Variants in PLEKHG4B observed in about 807,000 individuals in gnomAD.
PLEKHG4B encodes pleckstrin homology domain-containing family G member 4B.
Under a neutral mutation model 121.3 loss-of-function variants are expected in PLEKHG4B, and 111 were observed. The observed-to-expected ratio is 0.92, with a 90% confidence interval of 0.78 to 1.07. The LOEUF is 1.07. Ranked by LOEUF, PLEKHG4B falls within the 50% of genes least tolerant of loss-of-function variation. The pLI is 0.00. For synonymous variants in PLEKHG4B, 738 were observed against 725.0 expected (o/e 1.02, Z -0.29); for missense variants, 1,831 against 1,757.8 (o/e 1.04, Z -0.74).
chr5:140,139 G>T lies in PLEKHG4B; in HGVS notation c.900G>T (p.Met300Ile). The T allele has an allele frequency of 1.6e-6, 1 of 640,638 alleles. No individual in the cohort carries two copies. 39.7% of individuals were successfully genotyped at this position (640,638 alleles called of 1,614,324 possible). A position where few individuals can be genotyped will look rare whatever the true frequency, so the allele number is the denominator to read the frequency against. ...GCCCCTCAGAGCAGGGCCCACGGAT[G>T]CCCCCTGAGAACTGTGGGGGGTCGG... ...KVSPSEQGPRMPPENCGGSGE... is the reference protein window; with the variant it reads ...KVSPSEQGPRIPPENCGGSGE... The change falls in exon 3 of 20, where the codon ATG becomes ATT. Residue 300 changes from methionine (M) to isoleucine (I), a missense_variant. Met to Ile is a conservative substitution (Grantham distance 10). Transcript: ENST00000637938.
chr5:117,658 G>T (rs1194928628), intron 2 of PLEKHG4B, among the ~76,000 whole-genome samples: 1 of 152,180 alleles, frequency 6.6e-6, no homozygotes, highest in African/African-American at 2.4e-5. Context: ...TTCGAGACCA[G>T]CCTGGCCAAC....
Position 143,308 on chromosome 5 carries a change from G to A in PLEKHG4B, c.1687+52G>A, listed in dbSNP as rs752573123. On this transcript the variant is annotated intron_variant, in intron 4 of 19. Coordinates refer to ENST00000637938, the MANE Select transcript of PLEKHG4B (RefSeq NM_052909.5). ...TCAGGGCGGATCTGACATCTAAGCC[G>A]ACAGCACAGACCCAGCTCACCACCT... 167 of 1,607,618 alleles carry A rather than the reference G, an allele frequency of 1.0e-4. 2 individuals are homozygous for A. Among genetic ancestry groups the A allele is most frequent in the Middle Eastern group, 6.6e-4 (4 of 6,050 alleles).
chr5:156,949 C>G lies in PLEKHG4B; in HGVS notation c.2487+38C>G. On this transcript the variant is annotated intron_variant, in intron 11 of 19. Transcript: ENST00000637938. The surrounding 1 kb of genome is among the most constrained non-coding windows in gnomAD (Gnocchi z 4.4). ...GGAGGAAGGCGGCCCGGTCAGCATC[C>G]CCTCCAGGCCAGGCTGGCCAAGGCA... 1 of 1,605,384 alleles carries G rather than the reference C, an allele frequency of 6.2e-7. No homozygotes were observed. Among genetic ancestry groups the G allele is most frequent in the Non-Finnish European group, 8.5e-7 (1 of 1,176,690 alleles).
intron 13 of PLEKHG4B, among the ~76,000 whole-genome samples, chr5:166,503 TTCTGACGGGGCGGAGCTCACACTAATGC>T (rs1736352070): frequency 1.5e-4 from 3 of 19,808 alleles, no homozygotes; most frequent in Admixed American, 4.6e-4. Flanking sequence ...CACAGTAATC[TTCTGACGGGGCGGAGCTCACACTAATGC>T]TCTGACGGGG....
At chr5:148,841 A>T (rs1735512835) in intron 6 of PLEKHG4B, among the ~76,000 whole-genome samples, 1 of 152,258 alleles carries the variant, frequency 6.6e-6, no homozygotes, top group Admixed American at 6.5e-5. Flanking sequence ...AGCAACAGTA[A>T]TCAAAAAAGT....
At chr5:103,333 T>A (rs189569079) in intron 1 of PLEKHG4B, among the ~76,000 whole-genome samples, 1 of 152,298 alleles carries the variant, frequency 6.6e-6, no homozygotes, top group African/African-American at 2.4e-5. Context: ...AGGGCTCATT[T>A]TATTTTTTCT....
intron 2 of PLEKHG4B, among the ~76,000 whole-genome samples, chr5:120,478 C>G (rs1367312010): frequency 6.6e-6 from 1 of 152,154 alleles, no homozygotes; most frequent in East Asian, 1.9e-4. Context: ...AAACCAAACT[C>G]CACCCAATTA....
At chr5:96,801 G>A (rs1733641897) in intron 1 of PLEKHG4B, among the ~76,000 whole-genome samples, 1 of 152,132 alleles carries the variant, frequency 6.6e-6, no homozygotes, top group Non-Finnish European at 1.5e-5. Flanking sequence ...GGGTTGTTTG[G>A]GAAAGTTTAC....
chr5:130,173 G>A (rs1174522300), intron 2 of PLEKHG4B, among the ~76,000 whole-genome samples: 1 of 152,026 alleles, frequency 6.6e-6, no homozygotes, highest in African/African-American at 2.4e-5. Flanking sequence ...ATTGATGGCA[G>A]AAACATCTAG....
At chr5:132,366 C>A (rs1380734381) in intron 2 of PLEKHG4B, among the ~76,000 whole-genome samples, 1 of 152,150 alleles carries the variant, frequency 6.6e-6, no homozygotes, top group African/African-American at 2.4e-5. Context: ...CTGATTATTT[C>A]TTTTGTTGTG....
At chr5:96,247 A>G (rs1733623840) in intron 1 of PLEKHG4B, among the ~76,000 whole-genome samples, 1 of 152,190 alleles carries the variant, frequency 6.6e-6, no homozygotes, top group Admixed American at 6.5e-5. Flanking sequence ...TTTGCAGTGT[A>G]CTTTGCAGTG....
chr5:106,320 C>G (rs1020247486), intron 1 of PLEKHG4B, among the ~76,000 whole-genome samples: 6 of 152,162 alleles, frequency 3.9e-5, no homozygotes, highest in African/African-American at 1.4e-4. Context: ...AGGTTGGAGT[C>G]TGTCTCCGGG....
chr5:177,117 A>G (rs11747248), intron 18 of PLEKHG4B, among the ~76,000 whole-genome samples: 13,434 of 152,170 alleles, frequency 0.088, 854 homozygotes, highest in Non-Finnish European at 0.12. Flanking sequence ...CTATTTAATT[A>G]ATTTCTACTC....
intron 13 of PLEKHG4B, among the ~76,000 whole-genome samples, chr5:167,002 T>C (rs1736375218): frequency 6.6e-6 from 1 of 152,188 alleles, no homozygotes; most frequent in South Asian, 2.1e-4. Context: ...CTGTCTCCAC[T>C]GAGCCCATGT....
At chr5:122,139 G>C (rs1423041088) in intron 2 of PLEKHG4B, among the ~76,000 whole-genome samples, 1 of 152,070 alleles carries the variant, frequency 6.6e-6, no homozygotes, top group Non-Finnish European at 1.5e-5. Context: ...TTGTAATCTT[G>C]AGAGCAAAAA....
intron 2 of PLEKHG4B, among the ~76,000 whole-genome samples, chr5:127,621 G>A (rs7733021): frequency 0.19 from 28,168 of 151,974 alleles, 3,584 homozygotes; most frequent in African/African-American, 0.36. Context: ...CAGTGGCAGT[G>A]GTAGGTGGCG....
chr5:118,720 C>G (rs1194670953), intron 2 of PLEKHG4B, among the ~76,000 whole-genome samples: 1 of 152,118 alleles, frequency 6.6e-6, no homozygotes, highest in Non-Finnish European at 1.5e-5. Flanking sequence ...ATGTACTTTG[C>G]CCAGATCTAG....
At chr5:142,959 C>A in intron 3 of PLEKHG4B, 88 bp from the exon 4 acceptor site, 1 of 1,286,786 alleles carries the variant, frequency 7.8e-7, no homozygotes, top group East Asian at 2.3e-5. Flanking sequence ...TGTTTTTGTC[C>A]CATGGTTCAT....
At position 140,594 on chromosome 5, in the gene PLEKHG4B, C is replaced by CTGCA. The variant is rs1560922300; in HGVS notation, c.1356_1359dup (p.Ala454CysfsTer139). 1 of 1,610,180 alleles carries CTGCA rather than the reference C, an allele frequency of 6.2e-7. No homozygotes were observed. Among genetic ancestry groups the CTGCA allele is most frequent in the Non-Finnish European group, 8.5e-7 (1 of 1,178,692 alleles). On this transcript the variant is annotated frameshift_variant, in exon 3 of 20. Transcript: ENST00000637938. LOFTEE classifies it high-confidence loss of function. ...CCCAGAAGCTCCAGAGGGGCCCAGG[C>CTGCA]TGCAGCCTGCCACACCTCCCACCAC...
Sources: gnomAD v4.1 joint callset for allele counts (sites outside exome capture counted in the v4.1 genomes callset) on GRCh38, gnomAD v4.1.1 for gene constraint, Gnocchi (gnomAD v3.1) non-coding constraint, MANE v1.5 for transcripts, NCBI Gene and HGNC (gene_info 2026-07-23, HGNC 2026-07-21) for gene names.